Variants in PSD3 observed in about 807,000 individuals in gnomAD.
PSD3 encodes the protein pleckstrin and Sec7 domain containing 3.
PSD3 carries 49 observed loss-of-function variants against 105.5 expected under a neutral mutation model. The ratio of observed to expected loss-of-function variants is 0.46; its 90% CI spans 0.37 to 0.59. The LOEUF (loss-of-function observed/expected upper bound fraction) is 0.59. Ranked by LOEUF, PSD3 falls within the 20% of genes least tolerant of loss-of-function variation. PSD3 has a pLI of 0.00. For synonymous variants in PSD3, 557 were observed against 457.8 expected (o/e 1.22, Z -2.77); for missense variants, 1,561 against 1,263.8 (o/e 1.24, Z -3.57).
intron 15 of PSD3, 108 bp from the exon 16 acceptor site, chr8:18,536,066 C>T: frequency 9.3e-7 from 1 of 1,076,690 alleles, no homozygotes; most frequent in Non-Finnish European, 1.4e-6. Flanking sequence ...CTGTTGAAGA[C>T]TTCGCTTCAT....
Position 18,528,582 on chromosome 8 carries a change from G to A in PSD3, c.*7161C>T, listed in dbSNP as rs1178023197. On this transcript the variant is annotated 3_prime_UTR_variant, in exon 16 of 16. Coordinates refer to ENST00000327040, the MANE Select transcript of PSD3 (RefSeq NM_015310.4). ...TCAGTAGAAGCCTGAGTGAAGTGGCGGCCGGGGGAGAGGTTCCTCTTTGCA... is the reference window on the plus strand; with the variant it reads ...TCAGTAGAAGCCTGAGTGAAGTGGCAGCCGGGGGAGAGGTTCCTCTTTGCA... 2 of 152,236 alleles carry A rather than the reference G, an allele frequency of 1.3e-5. No individual in the cohort carries two copies. Among genetic ancestry groups the A allele is most frequent in the African/African-American group, 2.4e-5 (1 of 41,422 alleles). The allele number at this position is 152,236 out of a possible 1,614,324, so 9.4% of individuals were successfully genotyped here. A position where few individuals can be genotyped will look rare whatever the true frequency, so the allele number is the denominator to read the frequency against.
At position 19,077,741 on chromosome 8, in the gene PSD3, G is replaced by A. The variant is rs1046604090; in HGVS notation, c.324+6465C>T. 1.4e-4 allele frequency among the ~76,000 whole-genome samples: 22 copies of A among 152,228 alleles called. No individual in the cohort carries two copies. In the South Asian group the frequency reaches 4.1e-3, roughly 29 times the overall value. On this transcript the variant is annotated intron_variant, in intron 1 of 1. Coordinates refer to the PSD3 transcript ENST00000521475. ...TAATATATTAGGATCAAATCATTGC[G>A]TGATGTGATTTATAAATAGATTTGC...
chr8:18,720,603 A>G (rs1802903830), intron 9 of PSD3, among the ~76,000 whole-genome samples: 1 of 152,158 alleles, frequency 6.6e-6, no homozygotes, highest in Admixed American at 6.5e-5. Context: ...GTGAAATGAA[A>G]ATTGATTCTT....
chr8:18,875,212 A>C (rs1328358831), intron 2 of PSD3, among the ~76,000 whole-genome samples: 2 of 152,000 alleles, frequency 1.3e-5, no homozygotes, highest in Non-Finnish European at 2.9e-5. Context: ...CCTGGCCTGA[A>C]ATATATTCTT....
Position 18,872,085 on chromosome 8 carries a change from C to T in PSD3, c.779G>A (p.Cys260Tyr), listed in dbSNP as rs1448967168. ...GAAACCAACACTGCCTGCAGAGTGG[C>T]AGGTCACTGCTGAGCTCCCGAGGGA... is the stretch of plus-strand genomic sequence containing the variant. ...LASLGSSAVT[C>Y]HSAGSVGFLK... Residue 260 changes from cysteine (C) to tyrosine (Y), a missense_variant, in exon 3 of 16, where the codon TGC becomes TAC. Physicochemically the swap from Cys to Tyr is radical, Grantham distance 194 (BLOSUM62 -2). Transcript: ENST00000327040. 4 of 1,614,178 alleles carry T rather than the reference C, an allele frequency of 2.5e-6. No homozygotes were observed. The highest frequency in any genetic ancestry group is 1.6e-4 in the Middle Eastern group (1 of 6,062).
chr8:19,045,448 G>A (rs561685878), intron 1 of PSD3, among the ~76,000 whole-genome samples: 1 of 152,068 alleles, frequency 6.6e-6, no homozygotes, highest in Non-Finnish European at 1.5e-5. Context: ...GTAGCCAGCC[G>A]CCCTTGAACA....
intron 1 of PSD3, among the ~76,000 whole-genome samples, chr8:18,959,068 ACAT>A (rs1401106837): frequency 2.0e-5 from 3 of 151,722 alleles, no homozygotes; most frequent in African/African-American, 2.4e-5. Flanking sequence ...CTACAGGCAC[ACAT>A]CATCACGCTC....
chr8:19,084,623 T>G (rs1270344167), exon 1 of PSD3: 1 of 350,840 alleles, frequency 2.9e-6, no homozygotes, highest in Non-Finnish European at 5.7e-6. Context: ...GATGTGGGGA[T>G]CTGCAATCAC....
At chr8:18,678,589 A>AT (rs1800199602) in intron 9 of PSD3, among the ~76,000 whole-genome samples, 1 of 152,222 alleles carries the variant, frequency 6.6e-6, no homozygotes, top group East Asian at 1.9e-4. Flanking sequence ...AAGTGGGCGG[A>AT]TCGCCTGAGG....
chr8:18,869,733 C>G (rs1464419198), intron 3 of PSD3, among the ~76,000 whole-genome samples: 1 of 152,190 alleles, frequency 6.6e-6, no homozygotes, highest in Admixed American at 6.5e-5. Flanking sequence ...ACTAAACTGG[C>G]CTCTTCCCTC....
chr8:18,755,221 G>C (rs988946286), intron 9 of PSD3, among the ~76,000 whole-genome samples: 4 of 152,142 alleles, frequency 2.6e-5, no homozygotes, highest in African/African-American at 9.6e-5. Flanking sequence ...TTGAGGCTAG[G>C]AGTTCGAGAC....
intron 9 of PSD3, among the ~76,000 whole-genome samples, chr8:18,738,883 T>A (rs1215606450): frequency 1.2e-5 from 1 of 81,512 alleles, no homozygotes; most frequent in Admixed American, 1.6e-4. Context: ...AAGAATATTC[T>A]AGAAAAAAAT....
intron 8 of PSD3, among the ~76,000 whole-genome samples, chr8:18,784,433 G>C (rs2129445604): frequency 6.6e-6 from 1 of 152,296 alleles, no homozygotes; most frequent in Middle Eastern, 3.4e-3. Context: ...GGAGACACCA[G>C]TTGGGTGTTT....
intron 9 of PSD3, among the ~76,000 whole-genome samples, chr8:18,672,576 G>C (rs897316707): frequency 1.3e-5 from 2 of 152,196 alleles, no homozygotes; most frequent in African/African-American, 4.8e-5. Context: ...GAGCTAAATA[G>C]AATTGCCAGT....
At chr8:18,715,230 G>A (rs540456490) in intron 9 of PSD3, among the ~76,000 whole-genome samples, 8 of 152,158 alleles carry the variant, frequency 5.3e-5, no homozygotes, top group African/African-American at 9.6e-5. Flanking sequence ...CATGGCACAC[G>A]TTTACCCATG....
chr8:18,851,726 A>G (rs1815586622), intron 4 of PSD3, among the ~76,000 whole-genome samples: 1 of 152,150 alleles, frequency 6.6e-6, no homozygotes, highest in Non-Finnish European at 1.5e-5. Flanking sequence ...GGCAAGCCCG[A>G]CAGAACTTTC....
At chr8:18,939,206 C>T (rs1171337226) in intron 1 of PSD3, among the ~76,000 whole-genome samples, 1 of 152,164 alleles carries the variant, frequency 6.6e-6, no homozygotes, top group Non-Finnish European at 1.5e-5. Flanking sequence ...TTCTTAACCT[C>T]AGGTCCGTGG....
In PSD3 at chr8:18,950,912, T is replaced by C. The variant is rs1290358548; in HGVS notation, c.22-14770A>G. 2.6e-5 allele frequency among the ~76,000 whole-genome samples: 4 copies of C among 152,232 alleles called. No individual in the cohort carries two copies. In the East Asian group the frequency reaches 7.7e-4, roughly 29 times the overall value. ...CAACACAGGAGACACAGTATTTCTG[T>C]TGCTCTAGGGCCGAGCTGCAATGGG... On this transcript the variant is annotated intron_variant, in intron 1 of 15. Coordinates refer to ENST00000327040, the MANE Select transcript of PSD3 (RefSeq NM_015310.4).
At chr8:18,961,833 C>T (rs1586534253) in intron 1 of PSD3, among the ~76,000 whole-genome samples, 1 of 152,090 alleles carries the variant, frequency 6.6e-6, no homozygotes, top group African/African-American at 2.4e-5. Context: ...TTCCTAAATC[C>T]TGGCCAAAAG....
Sources: gnomAD v4.1 joint callset for allele counts (sites outside exome capture counted in the v4.1 genomes callset) on GRCh38, gnomAD v4.1.1 for gene constraint, MANE v1.5 for transcripts, NCBI Gene and HGNC (gene_info 2026-07-23, HGNC 2026-07-21) for gene names.